Variants in ATP2B1 observed in about 807,000 individuals in gnomAD.
ATP2B1 encodes the protein plasma membrane calcium-transporting ATPase 1.
ATP2B1 carries 14 observed loss-of-function variants against 124.2 expected under a neutral mutation model. That is an observed-to-expected ratio of 0.11 (90% CI 0.07 to 0.18). The LOEUF is 0.18. ATP2B1 is among the 10% of genes least tolerant of loss of function. The probability of loss-of-function intolerance (pLI) is 1.00; values close to 1 mark genes in which losing one functional copy is unlikely to be tolerated. For synonymous variants in ATP2B1, 449 were observed against 492.4 expected (o/e 0.91, Z 1.17); for missense variants, 763 against 1,466.1 (o/e 0.52, Z 7.83).
chr12:89,598,788 GA>G, intron 20 of ATP2B1: 1 of 1,604,906 alleles, frequency 6.2e-7, no homozygotes, highest in South Asian at 1.1e-5. Context: ...GCAAGAGAGA[GA>G]GAGAACAAGA....
intron 1 of ATP2B1, among the ~76,000 whole-genome samples, chr12:89,659,309 ATGT>A (rs1350781214): frequency 6.6e-6 from 1 of 152,052 alleles, no homozygotes; most frequent in African/African-American, 2.4e-5. Flanking sequence ...CCCAGAATAA[ATGT>A]TGTCTCTGAA....
chr12:89,611,066 G>A, intron 13 of ATP2B1, 127 bp downstream of exon 13: 1 of 845,566 alleles, frequency 1.2e-6, no homozygotes, highest in South Asian at 2.2e-5. Flanking sequence ...TGCTTCCTAA[G>A]GTATAGACTG....
At chr12:89,671,507 C>G (rs1236956093) in intron 1 of ATP2B1, among the ~76,000 whole-genome samples, 1 of 152,140 alleles carries the variant, frequency 6.6e-6, no homozygotes, top group Non-Finnish European at 1.5e-5. Flanking sequence ...AGTATACACT[C>G]TACATGGATC....
intron 13 of ATP2B1, chr12:89,610,847 G>A: frequency 3.0e-6 from 1 of 338,694 alleles, no homozygotes; most frequent in Non-Finnish European, 5.3e-6. Context: ...TTTAGCATAA[G>A]AAGTTCAGAG....
chr12:89,632,940 A>T (rs1328403737), intron 5 of ATP2B1, among the ~76,000 whole-genome samples: 2 of 152,158 alleles, frequency 1.3e-5, no homozygotes, highest in Non-Finnish European at 2.9e-5. Flanking sequence ...AGTTAAAGGA[A>T]ATCAACCTGA....
At chr12:89,648,396 C>T (rs1884788097) in intron 2 of ATP2B1, among the ~76,000 whole-genome samples, 1 of 152,174 alleles carries the variant, frequency 6.6e-6, no homozygotes, top group Non-Finnish European at 1.5e-5. Context: ...AAGAACTTGG[C>T]TGTATTGTGT....
intron 11 of ATP2B1, among the ~76,000 whole-genome samples, chr12:89,617,636 A>T (rs1405536866): frequency 6.6e-6 from 1 of 152,086 alleles, no homozygotes. Context: ...ACCTATTTAA[A>T]GTTTGTTTTT....
intron 1 of ATP2B1, among the ~76,000 whole-genome samples, chr12:89,677,963 T>TACAC (rs1440059453): frequency 4.7e-4 from 47 of 100,882 alleles, no homozygotes; most frequent in East Asian, 1.7e-3. Context: ...ATTATATATA[T>TACAC]ATATATATAC....
At chr12:89,667,164 C>T (rs1407065264) in intron 1 of ATP2B1, among the ~76,000 whole-genome samples, 1 of 152,154 alleles carries the variant, frequency 6.6e-6, no homozygotes, top group African/African-American at 2.4e-5. Context: ...TCTGTCCACA[C>T]ACTACTAAGA....
chr12:89,593,353 C>T (rs1399409551), intron 20 of ATP2B1: 1 of 151,964 alleles, frequency 6.6e-6, no homozygotes, highest in African/African-American at 2.4e-5. Context: ...ATTAGAGGAT[C>T]AGCCAGCAAA....
At position 89,589,414 on chromosome 12, in the gene ATP2B1, C is replaced by T. The variant is rs1873160358; in HGVS notation, c.*1570G>A. On this transcript the variant is annotated 3_prime_UTR_variant, in exon 21 of 21. Coordinates refer to ENST00000428670, the MANE Select transcript of ATP2B1 (RefSeq NM_001366521.1). ...AGAATCCAATTGGCTTAGAGGTGGG[C>T]ATTCTAGCATATGGTTAATTATTGC... The T allele has an allele frequency of 6.6e-6, 1 of 152,138 alleles. No individual in the cohort carries two copies. The highest frequency in any genetic ancestry group is 2.1e-4 in the South Asian group (1 of 4,832). 9.4% of individuals were successfully genotyped at this position (152,138 alleles called of 1,614,324 possible).
chr12:89,673,752 A>G (rs918017176), intron 1 of ATP2B1, among the ~76,000 whole-genome samples: 12 of 152,188 alleles, frequency 7.9e-5, no homozygotes, highest in South Asian at 4.1e-4. Context: ...GTGGTCTTAT[A>G]CATATCAGCT....
rs772486935 is a variant in ATP2B1 at position 89,619,368 on chromosome 12, T to C, written c.1829+631A>G. The stretch of plus-strand genomic sequence containing the variant: ...GACTCACGTCTGTAATCCCAGCACT[T>C]TGGGAGGCCGACACAGGCAGATTAC... On this transcript the variant is annotated intron_variant, in intron 11 of 20. Transcript: ENST00000428670. Among the ~76,000 whole-genome samples the C allele has an allele frequency of 1.6e-4, 25 of 152,034 alleles. 1 individual carries two copies. The highest frequency in any genetic ancestry group is 3.2e-4 in the Non-Finnish European group (22 of 68,006).
chr12:89,601,134 G>A (rs2135929428), intron 19 of ATP2B1, among the ~76,000 whole-genome samples, 192 bp downstream of exon 19: 1 of 151,936 alleles, frequency 6.6e-6, no homozygotes, highest in African/African-American at 2.4e-5. Flanking sequence ...TTATAGTACA[G>A]GCATAATCAT....
At chr12:89,701,626 C>T (rs1234556216) in intron 1 of ATP2B1, among the ~76,000 whole-genome samples, 2 of 152,332 alleles carry the variant, frequency 1.3e-5, no homozygotes, top group Non-Finnish European at 1.5e-5. Context: ...TAGCTACATA[C>T]ATTTCACAGA....
At chr12:89,613,072 C>A (rs1319419454) in intron 12 of ATP2B1, among the ~76,000 whole-genome samples, 1 of 151,978 alleles carries the variant, frequency 6.6e-6, no homozygotes, top group Non-Finnish European at 1.5e-5. Flanking sequence ...CTCTGCCTCC[C>A]AGGCTCAAGT....
chr12:89,609,192 T>C (rs931658357), intron 15 of ATP2B1, among the ~76,000 whole-genome samples: 3 of 152,148 alleles, frequency 2.0e-5, no homozygotes, highest in African/African-American at 7.2e-5. Context: ...CACATAACCT[T>C]ATATCTCAAT....
chr12:89,600,192 T>C (rs1261715150), intron 19 of ATP2B1, among the ~76,000 whole-genome samples: 3 of 152,038 alleles, frequency 2.0e-5, no homozygotes, highest in African/African-American at 4.8e-5. Flanking sequence ...TCTAGAAACA[T>C]AGTTAAGAAA....
At chr12:89,657,065 A>G (rs1244882106) in intron 1 of ATP2B1, among the ~76,000 whole-genome samples, 2 of 152,116 alleles carry the variant, frequency 1.3e-5, no homozygotes, top group Admixed American at 1.3e-4. Flanking sequence ...TCTCCATACA[A>G]TCACCTCAAA....
Sources: gnomAD v4.1 joint callset for allele counts (sites outside exome capture counted in the v4.1 genomes callset) on GRCh38, gnomAD v4.1.1 for gene constraint, MANE v1.5 for transcripts, NCBI Gene and HGNC (gene_info 2026-07-23, HGNC 2026-07-21) for gene names.